Variants in RALYL observed in about 807,000 individuals in gnomAD.
RALYL encodes RNA-binding Raly-like protein.
A neutral mutation model predicts 35.1 loss-of-function variants in RALYL; 29 were observed. The ratio of observed to expected loss-of-function variants is 0.83; its 90% CI spans 0.61 to 1.13. RALYL has a LOEUF of 1.13. Among genes scored for constraint, RALYL ranks in the 50% most tolerant of loss-of-function variants. The pLI, the probability that RALYL is intolerant of heterozygous loss-of-function variation, is 0.00. For missense variants in RALYL, 359 were observed against 360.4 expected (o/e 1.00, Z 0.03); for synonymous variants, 120 against 127.6 (o/e 0.94, Z 0.40).
intron 2 of RALYL, among the ~76,000 whole-genome samples, chr8:84,738,130 C>T (rs1175582164): frequency 6.6e-6 from 1 of 151,926 alleles, no homozygotes; most frequent in African/African-American, 2.4e-5. Context: ...AAATGAAGCA[C>T]ACAGGGCTAT....
chr8:84,460,995 T>A (rs1459765161), intron 1 of RALYL, among the ~76,000 whole-genome samples: 1 of 151,640 alleles, frequency 6.6e-6, no homozygotes, highest in Non-Finnish European at 1.5e-5. Context: ...CAACAGTGTT[T>A]GCTAAAGGTG....
chr8:84,734,615 T>G (rs1846887027), intron 2 of RALYL, among the ~76,000 whole-genome samples: 1 of 152,152 alleles, frequency 6.6e-6, no homozygotes, highest in Non-Finnish European at 1.5e-5. Flanking sequence ...GGTGATATTC[T>G]GTTCTTGACA....
chr8:84,687,031 G>T (rs1836948725), intron 2 of RALYL, among the ~76,000 whole-genome samples: 2 of 151,968 alleles, frequency 1.3e-5, no homozygotes, highest in South Asian at 4.1e-4. Context: ...AACAAAAATG[G>T]CAACTTCATG....
chr8:84,365,376 C>A (rs1854011010), intron 1 of RALYL, among the ~76,000 whole-genome samples: 1 of 152,128 alleles, frequency 6.6e-6, no homozygotes, highest in African/African-American at 2.4e-5. Flanking sequence ...ATAAGTGAGT[C>A]CTCATCTATA....
chr8:84,376,474 A>T (rs542926868), intron 1 of RALYL, among the ~76,000 whole-genome samples: 38 of 151,994 alleles, frequency 2.5e-4, no homozygotes, highest in Non-Finnish European at 4.0e-4. Flanking sequence ...AGCAGAGGCA[A>T]TTACTAGCAC....
rs949198646 is a variant in RALYL, at chr8:84,302,120, C to T, written c.-24+117696C>T. Among the ~76,000 whole-genome samples the T allele has an allele frequency of 3.9e-5, 6 of 152,124 alleles. No homozygotes were observed. The East Asian group carries it at 5.8e-4, about 15-fold the overall frequency. On this transcript the variant is annotated intron_variant, in intron 1 of 8. Coordinates refer to ENST00000521268, the MANE Select transcript of RALYL (RefSeq NM_173848.7). The stretch of plus-strand genomic sequence containing the variant: ...CTGGGCTGTATCAAAGATTATCATA[C>T]AACTGAGACATATAAGGGATGTGGA...
intron 2 of RALYL, among the ~76,000 whole-genome samples, chr8:84,537,172 A>AC (rs2059670503): frequency 1.3e-5 from 2 of 149,446 alleles, no homozygotes. Context: ...AAAAAAAAAA[A>AC]AAAACTCTAT....
At chr8:84,727,510 T>G (rs1163177336) in intron 2 of RALYL, among the ~76,000 whole-genome samples, 1 of 152,094 alleles carries the variant, frequency 6.6e-6, no homozygotes, top group African/African-American at 2.4e-5. Flanking sequence ...TTAGGGTACA[T>G]GTGCACAATG....
chr8:84,791,641 A>C (rs1427984739), intron 3 of RALYL, among the ~76,000 whole-genome samples: 1 of 152,182 alleles, frequency 6.6e-6, no homozygotes, highest in Non-Finnish European at 1.5e-5. Context: ...GTAGCAACTG[A>C]GATGTCAAAT....
Position 84,764,740 on chromosome 8 carries a change from G to T in RALYL, c.257-9839G>T, listed in dbSNP as rs116901589. Among the ~76,000 whole-genome samples the T allele has an allele frequency of 5.1e-3, 775 of 152,268 alleles. 1 individual carries two copies. The highest frequency in any genetic ancestry group is 9.1e-3 in the Non-Finnish European group (620 of 68,022). The stretch of plus-strand genomic sequence containing the variant: ...CTAGGTCCAAAGGCTCATTAAAATG[G>T]TCACAATTCAGTGACTGCCCAGTAA... On this transcript the variant is annotated intron_variant, in intron 2 of 8. Transcript: ENST00000521268.
rs575037593 is a variant in RALYL at position 84,879,571 on chromosome 8, C to T, written c.685+6174C>T. ...TCAACAGATAGTGCATAAAACTGAT[C>T]GAGAAGTAGCAATATAAACAATATT... On this transcript the variant is annotated intron_variant, in intron 7 of 8. Coordinates refer to ENST00000521268, the MANE Select transcript of RALYL (RefSeq NM_173848.7). Among the ~76,000 whole-genome samples, 20 of 151,924 alleles carry T rather than the reference C, an allele frequency of 1.3e-4. No homozygotes were observed. The South Asian group carries it at 2.7e-3, about 21-fold the overall frequency.
chr8:84,615,266 T>C (rs1819218397), intron 2 of RALYL, among the ~76,000 whole-genome samples: 1 of 151,410 alleles, frequency 6.6e-6, no homozygotes, highest in African/African-American at 2.4e-5. Flanking sequence ...ATTCTTTCTC[T>C]CCTGTTAGCT....
intron 1 of RALYL, among the ~76,000 whole-genome samples, chr8:84,466,820 T>G (rs1345500202): frequency 1.3e-5 from 2 of 151,646 alleles, no homozygotes; most frequent in South Asian, 2.1e-4. Context: ...CAATTTCAGC[T>G]CCTGTTATTG....
At chr8:84,286,685 A>G (rs571758591) in intron 1 of RALYL, among the ~76,000 whole-genome samples, 1 of 152,226 alleles carries the variant, frequency 6.6e-6, no homozygotes, top group Admixed American at 6.5e-5. Context: ...AAGGTGGGAC[A>G]TCTTGAAGCC....
chr8:84,525,953 CTTTTTTTTTTTTTTTT>C lies in RALYL; in HGVS notation c.-23-3339_-23-3324del, dbSNP rs35794329. ...ACTTCTATTTTCTCTTTTCTTTTTT[CTTTTTTTTTTTTTTTT>C]TTTTTTGAGACAGAGCCTCACTTTG... is the stretch of plus-strand genomic sequence containing the variant. On this transcript the variant is annotated intron_variant, in intron 1 of 8. Coordinates refer to ENST00000521268, the MANE Select transcript of RALYL (RefSeq NM_173848.7). 4.9e-4 allele frequency among the ~76,000 whole-genome samples: 51 copies of C among 104,850 alleles called. 1 individual carries two copies. The highest frequency in any genetic ancestry group is 4.6e-3 in the Admixed American group (45 of 9,690). The allele number at this position is 104,850 out of a possible 152,430, so 68.8% of individuals were successfully genotyped here. A position where few individuals can be genotyped will look rare whatever the true frequency, so the allele number is the denominator to read the frequency against.
At chr8:84,680,323 T>C (rs1835163503) in intron 2 of RALYL, among the ~76,000 whole-genome samples, 1 of 152,314 alleles carries the variant, frequency 6.6e-6, no homozygotes, top group African/African-American at 2.4e-5. Context: ...TGTGCATGTG[T>C]CTTTATAGCA....
intron 2 of RALYL, among the ~76,000 whole-genome samples, chr8:84,601,241 G>A (rs140009884): frequency 2.3e-3 from 357 of 152,200 alleles, no homozygotes; most frequent in African/African-American, 5.4e-3. Flanking sequence ...GTCCATTTTA[G>A]AAGGGAGGAG....
At chr8:84,657,722 A>G (rs1171672469) in intron 2 of RALYL, among the ~76,000 whole-genome samples, 1 of 152,186 alleles carries the variant, frequency 6.6e-6, no homozygotes, top group Non-Finnish European at 1.5e-5. Flanking sequence ...GGATAAATCA[A>G]GAAAGAAGAT....
intron 1 of RALYL, among the ~76,000 whole-genome samples, chr8:84,313,451 A>G (rs561691189): frequency 6.6e-6 from 1 of 152,240 alleles, no homozygotes; most frequent in East Asian, 1.9e-4. Flanking sequence ...AACCATTATG[A>G]TCTGCTTCCT....
Sources: gnomAD v4.1 joint callset for allele counts (sites outside exome capture counted in the v4.1 genomes callset) on GRCh38, gnomAD v4.1.1 for gene constraint, MANE v1.5 for transcripts, NCBI Gene and HGNC (gene_info 2026-07-23, HGNC 2026-07-21) for gene names.